The following TNNI3K variants were observed in gnomAD, a reference collection of about 807,000 sequenced individuals.
TNNI3K encodes TNNI3 interacting kinase.
In TNNI3K, 140 loss-of-function variants were observed where a neutral mutation model predicts 114.5. The ratio of observed to expected loss-of-function variants is 1.22; its 90% CI spans 1.07 to 1.41. The LOEUF (loss-of-function observed/expected upper bound fraction) is 1.41, where lower values mean the gene tolerates loss of function less well. Among genes scored for constraint, TNNI3K ranks in the 40% most tolerant of loss-of-function variants. The pLI, the probability that TNNI3K is intolerant of heterozygous loss-of-function variation, is 0.00. For synonymous variants in TNNI3K, 347 were observed against 347.5 expected (o/e 1.00, Z 0.02); for missense variants, 1,125 against 1,007.6 (o/e 1.12, Z -1.58).
intron 21 of TNNI3K, chr1:74,471,964 T>A (rs112394253): frequency 1.8e-4 from 108 of 616,658 alleles, no homozygotes; most frequent in African/African-American, 1.6e-3. Context: ...TCCACAAGGA[T>A]CATCATATTT....
chr1:74,534,685 T>G (rs775707553), intron 23 of TNNI3K, among the ~76,000 whole-genome samples: 1 of 152,126 alleles, frequency 6.6e-6, no homozygotes, highest in Non-Finnish European at 1.5e-5. Flanking sequence ...GTTTTAGGAG[T>G]ATCTCCTCTA....
intron 5 of TNNI3K, among the ~76,000 whole-genome samples, chr1:74,299,330 C>A (rs997214249): frequency 5.3e-5 from 8 of 152,024 alleles, no homozygotes; most frequent in Non-Finnish European, 8.8e-5. Context: ...TGAGTGTAAT[C>A]CTGTTTATCT....
At chr1:74,345,229 T>G (rs1660942961) in intron 9 of TNNI3K, among the ~76,000 whole-genome samples, 1 of 152,130 alleles carries the variant, frequency 6.6e-6, no homozygotes, top group African/African-American at 2.4e-5. Context: ...TATATTGCAC[T>G]GAGATGGTAG....
In TNNI3K at chr1:74,463,426, C is replaced by G; in HGVS notation, c.2012-15C>G. On this transcript the variant is annotated splice_polypyrimidine_tract_variant and intron_variant, in intron 20 of 24. Coordinates refer to ENST00000326637, the MANE Select transcript of TNNI3K (RefSeq NM_015978.3). ...CATGTGAATTTCAAAACTGACATGACCATTTGGTTTGCAGCGGCTGCGGCA... is the reference window on the plus strand; with the variant it reads ...CATGTGAATTTCAAAACTGACATGAGCATTTGGTTTGCAGCGGCTGCGGCA... 1.2e-6 allele frequency: 2 copies of G among 1,613,858 alleles called. No homozygotes were observed. Among genetic ancestry groups the G allele is most frequent in the African/African-American group, 2.7e-5 (2 of 75,022 alleles).
At position 74,483,958 on chromosome 1, in the gene TNNI3K, C is replaced by G. The variant is rs138676064; in HGVS notation, c.2122-5231C>G. Among the ~76,000 whole-genome samples, 920 of 152,176 alleles carry G rather than the reference C, an allele frequency of 6.0e-3. 12 individuals carry two copies. Among genetic ancestry groups the G allele is most frequent in the African/African-American group, 0.021 (855 of 41,542 alleles). On this transcript the variant is annotated intron_variant, in intron 21 of 24. Transcript: ENST00000326637. The stretch of plus-strand genomic sequence containing the variant: ...GCTCTACTTAGCTTTGAATTCAGCT[C>G]TGTTTTTACTGACTATATTATCTTA...
At chr1:74,491,051 T>G (rs1339084590) in intron 22 of TNNI3K, among the ~76,000 whole-genome samples, 1 of 152,216 alleles carries the variant, frequency 6.6e-6, no homozygotes, top group East Asian at 1.9e-4. Flanking sequence ...TGGTATCCAG[T>G]TGTGTCTGTG....
intron 13 of TNNI3K, 121 bp downstream of exon 13, chr1:74,368,085 A>G (rs1662374581): frequency 2.1e-6 from 2 of 931,012 alleles, no homozygotes; most frequent in Non-Finnish European, 3.1e-6. Flanking sequence ...CACAACAAAT[A>G]TTATTGACAG....
chr1:74,478,018 T>A (rs889958731), intron 21 of TNNI3K, among the ~76,000 whole-genome samples: 2 of 152,208 alleles, frequency 1.3e-5, no homozygotes, highest in Non-Finnish European at 2.9e-5. Flanking sequence ...AGTTTTAAAT[T>A]TACAAATATA....
Position 74,370,439 on chromosome 1 carries a change from G to T in TNNI3K, c.1772+47G>T, listed in dbSNP as rs202174034. 3 of 1,529,636 alleles carry T rather than the reference G, an allele frequency of 2.0e-6. No homozygotes were observed. In the East Asian group the frequency reaches 6.9e-5, roughly 35 times the overall value. 94.8% of individuals were successfully genotyped at this position (1,529,636 alleles called of 1,614,324 possible). The stretch of plus-strand genomic sequence containing the variant: ...AACTCAGAAGGGTATGACTAACTGG[G>T]AGTTTAAGACAGATTTCAGTGAAGA... On this transcript the variant is annotated intron_variant, in intron 17 of 24. Transcript: ENST00000326637.
At position 74,436,119 on chromosome 1, in the gene TNNI3K, G is replaced by A. The variant is rs1439522656; in HGVS notation, c.1812G>A (p.Val604=). 6.2e-7 allele frequency: 1 copy of A among 1,609,310 alleles called. No homozygotes were observed. Among genetic ancestry groups the A allele is most frequent in the African/African-American group, 1.4e-5 (1 of 73,656 alleles). ...ILLYEDGHAV[V]ADFGESRFLQ... ...TCTATGAGGATGGGCATGCTGTGGTGGCAGATTTTGGAGGTGAGATACCCC... is the reference window on the plus strand; with the variant it reads ...TCTATGAGGATGGGCATGCTGTGGTAGCAGATTTTGGAGGTGAGATACCCC... The change falls in exon 18 of 25, where the codon GTG becomes GTA. Residue 604 remains valine (V), a synonymous_variant. Transcript: ENST00000326637.
At chr1:74,317,574 A>C (rs578225655) in intron 5 of TNNI3K, among the ~76,000 whole-genome samples, 1 of 152,290 alleles carries the variant, frequency 6.6e-6, no homozygotes, top group Admixed American at 6.5e-5. Flanking sequence ...TCAGGAACTG[A>C]GTTAGGGAAT....
intron 11 of TNNI3K, among the ~76,000 whole-genome samples, chr1:74,354,504 G>A (rs1170340224): frequency 1.3e-5 from 2 of 151,910 alleles, no homozygotes; most frequent in East Asian, 1.9e-4. Context: ...GTACAAGGGG[G>A]GGGGAAAGAA....
chr1:74,459,094 G>T (rs1049344681), intron 20 of TNNI3K, among the ~76,000 whole-genome samples: 37 of 152,128 alleles, frequency 2.4e-4, no homozygotes, highest in African/African-American at 8.9e-4. Context: ...CAACTTAGGT[G>T]CACATCAACA....
intron 20 of TNNI3K, among the ~76,000 whole-genome samples, chr1:74,451,687 C>CTTTTCT (rs59304469): frequency 0.081 from 2,058 of 25,530 alleles, 113 homozygotes; most frequent in East Asian, 0.17. Context: ...CTTTTCTTTT[C>CTTTTCT]TTTCTTTCTT....
intron 23 of TNNI3K, among the ~76,000 whole-genome samples, chr1:74,517,739 C>T (rs539211888): frequency 6.6e-6 from 1 of 152,150 alleles, no homozygotes; most frequent in Non-Finnish European, 1.5e-5. Context: ...GAAACTAAGA[C>T]ATCTTAGTTC....
intron 5 of TNNI3K, among the ~76,000 whole-genome samples, chr1:74,277,770 G>C (rs987431766): frequency 1.3e-5 from 2 of 152,188 alleles, no homozygotes; most frequent in East Asian, 3.9e-4. Flanking sequence ...ATGTATAGAG[G>C]TTGTGGAGTG....
intron 23 of TNNI3K, among the ~76,000 whole-genome samples, chr1:74,525,082 G>A (rs1646486101): frequency 6.6e-6 from 1 of 152,140 alleles, no homozygotes; most frequent in African/African-American, 2.4e-5. Context: ...TCTTCAGTGT[G>A]ATAAAAAACA....
At chr1:74,321,180 A>C (rs973257013) in intron 5 of TNNI3K, among the ~76,000 whole-genome samples, 1 of 152,196 alleles carries the variant, frequency 6.6e-6, no homozygotes, top group African/African-American at 2.4e-5. Context: ...ACTTTAAAAT[A>C]AGAGCTCCAC....
At chr1:74,262,079 A>G (rs1454995042) in intron 4 of TNNI3K, among the ~76,000 whole-genome samples, 1 of 151,926 alleles carries the variant, frequency 6.6e-6, no homozygotes, top group Non-Finnish European at 1.5e-5. Context: ...CCTCCTTAGC[A>G]CATATATTTG....
Sources: allele counts gnomAD v4.1 joint callset (sites outside exome capture counted in the v4.1 genomes callset), GRCh38; gene constraint gnomAD v4.1.1; transcripts MANE v1.5; gene names NCBI Gene and HGNC (gene_info 2026-07-23, HGNC 2026-07-21).